The following GAREM1 variants were observed in gnomAD, a reference collection of about 807,000 sequenced individuals.
GAREM1 encodes the protein GRB2-associated and regulator of MAPK protein 1.
A neutral mutation model predicts 71.3 loss-of-function variants in GAREM1; 26 were observed. The ratio of observed to expected loss-of-function variants is 0.36; its 90% confidence interval spans 0.27 to 0.51. The LOEUF is 0.51. GAREM1 is among the 20% of genes least tolerant of loss of function. The pLI is 0.95. For missense variants in GAREM1, 1,026 were observed against 1,103.1 expected, an observed-to-expected ratio of 0.93 and a Z score of 0.99; for synonymous variants, 440 against 433.2, an observed-to-expected ratio of 1.02 and a Z score of -0.20.
chr18:32,437,496 G>A (rs1008405005), intron 1 of GAREM1, among the ~76,000 whole-genome samples: 1 of 152,210 alleles, frequency 6.6e-6, no homozygotes, highest in African/African-American at 2.4e-5. Context: ...GTTATCCCAA[G>A]ATCTTCAGTG....
In GAREM1 at chr18:32,470,516, G is replaced by A. The variant is rs552747967; in HGVS notation, c.-88C>T. On this transcript the variant is annotated 5_prime_UTR_variant, in exon 1 of 6. Transcript: ENST00000269209. The surrounding 1 kb of genome is among the most constrained non-coding windows in gnomAD (Gnocchi z 4.4). ...GCGGCCGCCGCTGCTCGCGCTCGCG[G>A]TCTGGGGCGCGCGGGAGGCGCCGGG... is the stretch of plus-strand genomic sequence containing the variant. 21 of 992,244 alleles carry A rather than the reference G, an allele frequency of 2.1e-5. No individual in the cohort carries two copies. Among genetic ancestry groups the A allele is most frequent in the Non-Finnish European group, 2.6e-5 (21 of 819,730 alleles). 61.5% of individuals were successfully genotyped at this position (992,244 alleles called of 1,614,324 possible).
At chr18:32,311,486 A>G (rs2047322575) in intron 2 of GAREM1, among the ~76,000 whole-genome samples, 1 of 152,216 alleles carries the variant, frequency 6.6e-6, no homozygotes, top group African/African-American at 2.4e-5. Flanking sequence ...ATACATGAGT[A>G]AGAGTATACC....
intron 1 of GAREM1, among the ~76,000 whole-genome samples, chr18:32,452,825 A>T (rs1568016960): frequency 6.6e-6 from 1 of 151,220 alleles, no homozygotes; most frequent in East Asian, 2.0e-4. Context: ...GGATCCAGAG[A>T]AGGGGGTTTT....
intron 1 of GAREM1, among the ~76,000 whole-genome samples, chr18:32,468,972 GC>G (rs2049024830): frequency 6.3e-5 from 2 of 31,936 alleles, no homozygotes; most frequent in African/African-American, 1.2e-4. Flanking sequence ...CCCCCCCCCC[GC>G]CCCCACCCCA....
At chr18:32,320,505 G>A (rs1018618105) in intron 2 of GAREM1, among the ~76,000 whole-genome samples, 1 of 152,082 alleles carries the variant, frequency 6.6e-6, no homozygotes, top group Non-Finnish European at 1.5e-5. Flanking sequence ...TAAGGAACAA[G>A]TCTCAATACA....
intron 2 of GAREM1, among the ~76,000 whole-genome samples, chr18:32,371,947 T>A (rs2047984173): frequency 6.6e-6 from 1 of 152,084 alleles, no homozygotes; most frequent in African/African-American, 2.4e-5. Context: ...TCAGTAAAGT[T>A]ATGAGAAAGA....
chr18:32,438,720 C>T (rs902946042), intron 1 of GAREM1, among the ~76,000 whole-genome samples: 1 of 152,150 alleles, frequency 6.6e-6, no homozygotes, highest in Admixed American at 6.5e-5. Flanking sequence ...TCTCAGTTTT[C>T]TTATCTATAA....
At chr18:32,310,108 G>T in intron 3 of GAREM1, 85 bp downstream of exon 3, 1 of 1,476,688 alleles carries the variant, frequency 6.8e-7, no homozygotes, top group Non-Finnish European at 9.3e-7. Context: ...AGGAGACACA[G>T]ATGAACACTT....
At position 32,266,143 on chromosome 18, in the gene GAREM1, A is replaced by G. The variant is rs1301150416; in HGVS notation, c.*1728T>C. ...AAAAAAATGCTTTTTTTTTTGATAA[A>G]GGAGATCTAAGATGGAAAATTGGGT... On this transcript the variant is annotated 3_prime_UTR_variant, in exon 6 of 6. Coordinates refer to ENST00000269209, the MANE Select transcript of GAREM1 (RefSeq NM_001242409.2). 3 of 152,170 alleles carry G rather than the reference A, an allele frequency of 2.0e-5. No homozygotes were observed. The highest frequency in any genetic ancestry group is 4.4e-5 in the Non-Finnish European group (3 of 68,036). The allele number at this position is 152,170 out of a possible 1,614,324, so 9.4% of individuals were successfully genotyped here.
intron 2 of GAREM1, among the ~76,000 whole-genome samples, chr18:32,335,372 T>C (rs2047580088): frequency 1.3e-5 from 2 of 152,192 alleles, no homozygotes; most frequent in Admixed American, 6.5e-5. Context: ...GTGCACATGG[T>C]CAAGCTGCAA....
intron 4 of GAREM1, among the ~76,000 whole-genome samples, chr18:32,273,190 T>A (rs1439309067): frequency 1.3e-5 from 2 of 152,176 alleles, no homozygotes; most frequent in Non-Finnish European, 2.9e-5. Context: ...TGGATTAGAG[T>A]GGAACATGAG....
intron 3 of GAREM1, among the ~76,000 whole-genome samples, chr18:32,309,576 ACTG>A (rs1598950089): frequency 7.3e-6 from 1 of 136,226 alleles, no homozygotes; most frequent in Non-Finnish European, 1.5e-5. Context: ...AGATCGCGCC[ACTG>A]TACTCCAGCC....
intron 2 of GAREM1, among the ~76,000 whole-genome samples, chr18:32,333,833 G>A (rs1323198679): frequency 1.3e-5 from 2 of 152,086 alleles, no homozygotes; most frequent in African/African-American, 4.8e-5. Context: ...CTTATCATTG[G>A]TGTCAACAAT....
At chr18:32,374,469 G>A (rs2048014326) in intron 2 of GAREM1, among the ~76,000 whole-genome samples, 2 of 152,188 alleles carry the variant, frequency 1.3e-5, no homozygotes, top group African/African-American at 4.8e-5. Flanking sequence ...TGCACTGATA[G>A]TAATCAAGTG....
chr18:32,313,120 G>A (rs1164155444), intron 2 of GAREM1, among the ~76,000 whole-genome samples: 1 of 152,232 alleles, frequency 6.6e-6, no homozygotes, highest in Non-Finnish European at 1.5e-5. Context: ...CTGGCATAAA[G>A]TAGCCAGAGA....
rs768747004 is a variant in GAREM1, at chr18:32,310,241, T to A, written c.345A>T (p.Ala115=). ...YFNSVEEVAK[A]FPERVYVMED... ...CCATGACGTACACGCGTTCAGGAAA[T>A]GCCTTAGCCACCTCCTCCACACTGT... The change falls in exon 3 of 6, where the codon GCA becomes GCT. Residue 115 remains alanine (A), a synonymous_variant. Coordinates refer to ENST00000269209, the MANE Select transcript of GAREM1 (RefSeq NM_001242409.2). The A allele has an allele frequency of 6.2e-7, 1 of 1,614,158 alleles. No individual in the cohort carries two copies. Among genetic ancestry groups the A allele is most frequent in the Admixed American group, 1.7e-5 (1 of 60,014 alleles).
intron 2 of GAREM1, among the ~76,000 whole-genome samples, chr18:32,372,551 G>A (rs1448728876): frequency 2.0e-5 from 3 of 152,150 alleles, no homozygotes; most frequent in Non-Finnish European, 4.4e-5. Context: ...TAGCAAGGGG[G>A]TACTGACAAT....
intron 2 of GAREM1, among the ~76,000 whole-genome samples, chr18:32,351,382 G>A (rs1183071794): frequency 2.0e-5 from 3 of 152,112 alleles, no homozygotes; most frequent in Admixed American, 2.0e-4. Context: ...ATTGATGCAA[G>A]CAGGAGAAAA....
At chr18:32,375,181 A>G (rs1599000123) in intron 2 of GAREM1, among the ~76,000 whole-genome samples, 1 of 152,254 alleles carries the variant, frequency 6.6e-6, no homozygotes, top group East Asian at 1.9e-4. Context: ...TATTATTATC[A>G]CTATTTAAAC....
Sources: gnomAD v4.1 joint callset for allele counts (sites outside exome capture counted in the v4.1 genomes callset) on GRCh38, gnomAD v4.1.1 for gene constraint, Gnocchi (gnomAD v3.1) non-coding constraint, MANE v1.5 for transcripts, NCBI Gene and HGNC (gene_info 2026-07-23, HGNC 2026-07-21) for gene names.